The following EML1 variants were observed in gnomAD, a reference collection of about 807,000 sequenced individuals.
The protein encoded by EML1 is echinoderm microtubule-associated protein-like 1.
In EML1, 27 loss-of-function variants were observed where a neutral mutation model predicts 110.4. That is an observed-to-expected ratio of 0.24 (90% confidence interval 0.18 to 0.34). The LOEUF (loss-of-function observed/expected upper bound fraction) is 0.34, where lower values mean the gene tolerates loss of function less well. Among genes scored for constraint, EML1 ranks in the 10% least tolerant of loss-of-function variants. The pLI is 1.00. For synonymous variants in EML1, 344 were observed against 385.8 expected (o/e 0.89, Z 1.27); for missense variants, 741 against 1,030.9 (o/e 0.72, Z 3.85).
upstream of EML1, among the ~76,000 whole-genome samples, chr14:99,770,002 G>C (rs571713931): frequency 1.1e-4 from 17 of 152,052 alleles, no homozygotes; most frequent in Non-Finnish European, 1.3e-4. Context: ...AAACGTTCCC[G>C]CCTCTTTACT....
chr14:99,847,279 C>G (rs993634264), intron 1 of EML1, among the ~76,000 whole-genome samples: 2 of 152,142 alleles, frequency 1.3e-5, no homozygotes, highest in African/African-American at 2.4e-5. Flanking sequence ...TTGTTAGCTA[C>G]CGTTTTCTCT....
Position 99,894,835 on chromosome 14 carries a change from T to A in EML1, c.677+77T>A, listed in dbSNP as rs1015287978. 12 of 1,484,128 alleles carry A rather than the reference T, an allele frequency of 8.1e-6. No homozygotes were observed. The African/African-American group carries it at 1.4e-4, about 18-fold the overall frequency. 91.9% of individuals were successfully genotyped at this position (1,484,128 alleles called of 1,614,324 possible). On this transcript the variant is annotated intron_variant, in intron 6 of 21. Transcript: ENST00000262233. Reference sequence around the variant, plus strand: ...GCTTGATGTTAACTGTAGAAATTCATAAAACTTAAGTCCTCTTAAGCTTTT... The same window carrying A: ...GCTTGATGTTAACTGTAGAAATTCAAAAAACTTAAGTCCTCTTAAGCTTTT...
chr14:99,759,484 T>C (rs2057291131), intron 1 of EML1, among the ~76,000 whole-genome samples: 1 of 152,190 alleles, frequency 6.6e-6, no homozygotes, highest in South Asian at 2.1e-4. Flanking sequence ...CTTCTCTTAG[T>C]TTCTCCTTAG....
At chr14:99,901,127 C>A (rs879036871) in intron 9 of EML1, 88 bp downstream of exon 9, 6 of 1,084,132 alleles carry the variant, frequency 5.5e-6, no homozygotes, top group African/African-American at 1.6e-5. Context: ...TTGACACACT[C>A]GATACCTGCC....
At position 99,939,171 on chromosome 14, in the gene EML1, C is replaced by A. The variant is rs765426908; in HGVS notation, c.2192-26C>A. 1.9e-6 allele frequency: 3 copies of A among 1,612,068 alleles called. No homozygotes were observed. The highest frequency in any genetic ancestry group is 2.2e-5 in the East Asian group (1 of 44,858). On this transcript the variant is annotated intron_variant, in intron 20 of 21. Transcript: ENST00000262233. This position sits in a 1 kb window ranked among gnomAD's most constrained non-coding sequence, Gnocchi z 4.2. ...GCCCTGTGGCCCCTGGTGTTTCCAGCGCCCTGTTTGTGGTCTTTGTTTTAG... is the reference window on the plus strand; with the variant it reads ...GCCCTGTGGCCCCTGGTGTTTCCAGAGCCCTGTTTGTGGTCTTTGTTTTAG...
At chr14:99,793,263 G>A (rs1199578726), upstream of EML1, 15 of 918,156 alleles carry the variant, frequency 1.6e-5, no homozygotes, top group Non-Finnish European at 1.8e-5. Flanking sequence ...CGCGGCCGCC[G>A]AGGCCGCCCC....
intron 1 of EML1, among the ~76,000 whole-genome samples, chr14:99,803,005 G>C (rs2057910074): frequency 6.6e-6 from 1 of 152,024 alleles, no homozygotes; most frequent in South Asian, 2.1e-4. Context: ...TGGCTATGTG[G>C]TATTTAGTAT....
chr14:99,862,666 G>A (rs1293457633), intron 2 of EML1, among the ~76,000 whole-genome samples: 1 of 152,106 alleles, frequency 6.6e-6, no homozygotes, highest in Non-Finnish European at 1.5e-5. Flanking sequence ...TTTCAGTTAG[G>A]TTTTGTGTCC....
chr14:99,766,194 C>CTTTTT (rs34008528), intron 1 of EML1, among the ~76,000 whole-genome samples: 2 of 129,876 alleles, frequency 1.5e-5, no homozygotes, highest in East Asian at 2.3e-4. Flanking sequence ...TAAACTTTTA[C>CTTTTT]TTTTTTTTTT....
intron 17 of EML1, among the ~76,000 whole-genome samples, chr14:99,926,284 G>T (rs71421229): frequency 0.26 from 38,437 of 149,174 alleles, 6,308 homozygotes; most frequent in Non-Finnish European, 0.36. Context: ...GTTTTTTGGG[G>T]TTTTTTTTTT....
At position 99,911,468 on chromosome 14, in the gene EML1, C is replaced by T. The variant is rs1365647968; in HGVS notation, c.1386C>T (p.Gly462=). The T allele has an allele frequency of 1.2e-6, 2 of 1,611,550 alleles. No individual in the cohort carries two copies. The highest frequency in any genetic ancestry group is 1.1e-5 in the South Asian group (1 of 90,444). ...CAGTTCAGGGGGCCCATGAGGGTGG[C>T]ATTTTTGCACTTTGTATGTTAAGAG... ...SYAVQGAHEG[G]IFALCMLRDG... Residue 462 remains glycine, a synonymous_variant, in exon 13 of 22, where the codon GGC becomes GGT. Transcript: ENST00000262233.
intron 1 of EML1, among the ~76,000 whole-genome samples, chr14:99,794,048 A>C (rs2057723482): frequency 6.6e-6 from 1 of 152,202 alleles, no homozygotes; most frequent in Non-Finnish European, 1.5e-5. Flanking sequence ...AAATCATCAC[A>C]ATTTAATACA....
At chr14:99,780,751 C>T (rs1206774468) in intron 1 of EML1, among the ~76,000 whole-genome samples, 1 of 152,238 alleles carries the variant, frequency 6.6e-6, no homozygotes, top group East Asian at 1.9e-4. Context: ...TTCACAAATA[C>T]TTACCATTGT....
At chr14:99,867,343 G>T (rs1337878858) in intron 3 of EML1, among the ~76,000 whole-genome samples, 1 of 152,018 alleles carries the variant, frequency 6.6e-6, no homozygotes, top group Non-Finnish European at 1.5e-5. Flanking sequence ...TTTTAGGATA[G>T]TTTTTTTCTA....
At chr14:99,878,393 AG>A in intron 3 of EML1, 91 bp from the exon 4 acceptor site, 1 of 1,488,734 alleles carries the variant, frequency 6.7e-7, no homozygotes, top group South Asian at 1.4e-5. Flanking sequence ...TCCATGTGGA[AG>A]TATGACGTTC....
At chr14:99,801,614 C>CA (rs59910012) in intron 1 of EML1, among the ~76,000 whole-genome samples, 194 of 130,596 alleles carry the variant, frequency 1.5e-3, no homozygotes, top group Middle Eastern at 3.8e-3. Context: ...GACTCCGTCT[C>CA]AAAAAAAAAA....
Position 99,748,544 on chromosome 14 carries a change from G to A in EML1, c.28+10684G>A, listed in dbSNP as rs541691694. On this transcript the variant is annotated intron_variant, in intron 1 of 10. Transcript: ENST00000554479. ...AGCACTTTGGGAGGCCAAGGCAGGAGGATCCCTTGAGTCCAGGAGTTCAAG... is the reference window on the plus strand; with the variant it reads ...AGCACTTTGGGAGGCCAAGGCAGGAAGATCCCTTGAGTCCAGGAGTTCAAG... Among the ~76,000 whole-genome samples, 44 of 152,192 alleles carry A rather than the reference G, an allele frequency of 2.9e-4. 1 individual carries two copies. In the South Asian group the frequency reaches 6.4e-3, roughly 22 times the overall value.
chr14:99,869,235 A>G (rs2059154767), intron 3 of EML1, among the ~76,000 whole-genome samples: 1 of 152,160 alleles, frequency 6.6e-6, no homozygotes, highest in African/African-American at 2.4e-5. Flanking sequence ...CGTTTTTCCA[A>G]CATGTACCCA....
intron 20 of EML1, among the ~76,000 whole-genome samples, chr14:99,938,842 T>G (rs1325449148): frequency 6.6e-6 from 1 of 152,178 alleles, no homozygotes; most frequent in Non-Finnish European, 1.5e-5. Context: ...CAGGGCAGCT[T>G]CCCACAAGAT....
Sources: gnomAD v4.1 joint callset for allele counts (sites outside exome capture counted in the v4.1 genomes callset) on GRCh38, gnomAD v4.1.1 for gene constraint, Gnocchi (gnomAD v3.1) non-coding constraint, MANE v1.5 for transcripts, NCBI Gene and HGNC (gene_info 2026-07-23, HGNC 2026-07-21) for gene names.